CAMKK2: variants seen among roughly 807,000 people sequenced by gnomAD.
CAMKK2 encodes calcium/calmodulin dependent protein kinase kinase 2.
A neutral mutation model predicts 67.2 loss-of-function variants in CAMKK2; 30 were observed. The observed-to-expected ratio is 0.45, with a 90% CI of 0.33 to 0.61. The LOEUF (loss-of-function observed/expected upper bound fraction) is 0.61, where lower values mean the gene tolerates loss of function less well. CAMKK2 is among the 20% of genes least tolerant of loss of function. CAMKK2 has a pLI of 0.02. For synonymous variants in CAMKK2, 322 were observed against 326.2 expected (o/e 0.99, Z 0.14); for missense variants, 643 against 802.0 (o/e 0.80, Z 2.39).
chr12:121,262,557 T>C (rs1236344762), intron 6 of CAMKK2, among the ~76,000 whole-genome samples: 1 of 150,580 alleles, frequency 6.6e-6, no homozygotes. Context: ...AATAAGCTTA[T>C]TGTTTTCTTT....
chr12:121,259,277 G>A (rs923491323), intron 7 of CAMKK2, among the ~76,000 whole-genome samples: 6 of 152,148 alleles, frequency 3.9e-5, no homozygotes, highest in Non-Finnish European at 5.9e-5. Context: ...GCAGCCCCTC[G>A]TGTCCTGCTC....
intron 9 of CAMKK2, among the ~76,000 whole-genome samples, chr12:121,254,930 G>A (rs1891546689): frequency 6.6e-6 from 1 of 151,876 alleles, no homozygotes. Flanking sequence ...ATTAACATTT[G>A]AGTCAGTGGG....
chr12:121,246,882 A>G (rs1038912534), intron 14 of CAMKK2, among the ~76,000 whole-genome samples: 3 of 133,762 alleles, frequency 2.2e-5, no homozygotes, highest in Admixed American at 1.9e-4. Context: ...TTTGACACCT[A>G]TGCCTGGCAC....
intron 7 of CAMKK2, among the ~76,000 whole-genome samples, chr12:121,257,294 T>C (rs1225989671): frequency 1.3e-5 from 2 of 151,618 alleles, no homozygotes; most frequent in Non-Finnish European, 2.9e-5. Context: ...TTGCCCAGGC[T>C]GGAGTGCAGT....
intron 10 of CAMKK2, among the ~76,000 whole-genome samples, 190 bp from the exon 11 acceptor site, chr12:121,252,904 C>G (rs960009275): frequency 2.0e-5 from 3 of 152,156 alleles, no homozygotes; most frequent in Non-Finnish European, 4.4e-5. Context: ...CCCCCAGCCA[C>G]AGTGATTGGT....
chr12:121,270,755 C>T, intron 3 of CAMKK2, 143 bp downstream of exon 3: 1 of 634,838 alleles, frequency 1.6e-6, no homozygotes, highest in Non-Finnish European at 2.8e-6. Flanking sequence ...AACCAAAAAC[C>T]TAGATCATTA....
At chr12:121,295,248 T>C (rs1026842646) in intron 1 of CAMKK2, among the ~76,000 whole-genome samples, 1 of 152,176 alleles carries the variant, frequency 6.6e-6, no homozygotes, top group Non-Finnish European at 1.5e-5. Context: ...TACAAAAATA[T>C]GTTTTGCGTC....
intron 4 of CAMKK2, among the ~76,000 whole-genome samples, chr12:121,268,978 T>A (rs1463154808): frequency 6.6e-6 from 1 of 151,998 alleles, no homozygotes; most frequent in Non-Finnish European, 1.5e-5. Flanking sequence ...CTTGCTGCCA[T>A]CGAATCAAAA....
Position 121,239,127 on chromosome 12 carries a change from G to A in CAMKK2, c.*1572C>T, listed in dbSNP as rs1887955114. On this transcript the variant is annotated 3_prime_UTR_variant, in exon 17 of 17. Transcript: ENST00000404169. The stretch of plus-strand genomic sequence containing the variant: ...CAGGGCTCCATGAATGGGCTGGGCA[G>A]GGGCACGAGGCCTTGCCTTTGTCTG... 1 of 152,330 alleles carries A rather than the reference G, an allele frequency of 6.6e-6. No homozygotes were observed. Among genetic ancestry groups the A allele is most frequent in the Non-Finnish European group, 1.5e-5 (1 of 68,082 alleles). The allele number at this position is 152,330 out of a possible 1,614,324, so 9.4% of individuals were successfully genotyped here. A position where few individuals can be genotyped will look rare whatever the true frequency, so the allele number is the denominator to read the frequency against.
chr12:121,253,563 G>A lies in CAMKK2; in HGVS notation c.908-91C>T. 2.8e-6 allele frequency: 3 copies of A among 1,086,224 alleles called. No homozygotes were observed. Among genetic ancestry groups the A allele is most frequent in the Non-Finnish European group, 4.2e-6 (3 of 710,210 alleles). 67.3% of individuals were successfully genotyped at this position (1,086,224 alleles called of 1,614,324 possible). ...CCACATGGCCTGGAGACACAGGCAT[G>A]GCACCCCTCTGATGCCTTGTCTCCC... On this transcript the variant is annotated intron_variant, in intron 9 of 16. Coordinates refer to ENST00000404169, the MANE Select transcript of CAMKK2 (RefSeq NM_001270485.2). The surrounding 1 kb of genome is among the most constrained non-coding windows in gnomAD (Gnocchi z 5.0).
rs759500804 is a variant in CAMKK2 at position 121,244,568 on chromosome 12, G to A, written c.1596+5C>T. The A allele has an allele frequency of 1.9e-5, 30 of 1,558,260 alleles. No homozygotes were observed. In the South Asian group the frequency reaches 2.2e-4, roughly 12 times the overall value. On this transcript the variant is annotated splice_donor_5th_base_variant and intron_variant, in intron 16 of 16. Coordinates refer to ENST00000404169, the MANE Select transcript of CAMKK2 (RefSeq NM_001270485.2). The stretch of plus-strand genomic sequence containing the variant: ...GAGGCTACGGCACAGGCAGGCGGGC[G>A]TTACCTTGAGCTCAGACAGGGACTC...
chr12:121,265,253 G>A (rs981999365), intron 5 of CAMKK2, among the ~76,000 whole-genome samples: 6 of 152,156 alleles, frequency 3.9e-5, no homozygotes, highest in African/African-American at 1.4e-4. Flanking sequence ...AAAGGCAGAA[G>A]TACAGGTGTC....
intron 2 of CAMKK2, among the ~76,000 whole-genome samples, chr12:121,271,999 TG>T (rs1177487743): frequency 6.6e-6 from 1 of 152,062 alleles, no homozygotes; most frequent in Non-Finnish European, 1.5e-5. Flanking sequence ...CGTGAGCTAC[TG>T]GGCCTAGCCT....
At chr12:121,293,258 C>T (rs563124252) in intron 1 of CAMKK2, among the ~76,000 whole-genome samples, 1 of 152,168 alleles carries the variant, frequency 6.6e-6, no homozygotes, top group South Asian at 2.1e-4. Context: ...GCTCGGGCAA[C>T]AAGAGGGAAA....
intron 1 of CAMKK2, among the ~76,000 whole-genome samples, chr12:121,281,338 C>T (rs1363269321): frequency 6.6e-6 from 1 of 152,212 alleles, no homozygotes; most frequent in Non-Finnish European, 1.5e-5. Context: ...TGTGCAGGCT[C>T]CCCTGAGGTT....
In CAMKK2 at chr12:121,253,291, G is replaced by A. The variant is rs1891157608; in HGVS notation, c.1089C>T (p.Arg363=). 1.2e-6 allele frequency: 2 copies of A among 1,614,040 alleles called. No homozygotes were observed. Among genetic ancestry groups the A allele is most frequent in the African/African-American group, 2.7e-5 (2 of 74,930 alleles). ...FMAPESLSET[R]KIFSGKALDV... The stretch of plus-strand genomic sequence containing the variant: ...AGCTTACCTTCCCAGAGAAGATCTT[G>A]CGGGTCTCAGAGAGCGACTCGGGTG... Residue 363 remains arginine (R), a synonymous_variant, in exon 10 of 17, where the codon CGC becomes CGT. Transcript: ENST00000404169. This position sits in a 1 kb window ranked among gnomAD's most constrained non-coding sequence, Gnocchi z 5.0.
chr12:121,252,745 T>C (rs2686344), intron 10 of CAMKK2, 31 bp from the exon 11 acceptor site: 1,209,294 of 1,610,270 alleles, frequency 0.75, 455,433 homozygotes, highest in African/African-American at 0.76. Flanking sequence ...TGTGAGGGCA[T>C]AAGGGGTGGT....
chr12:121,265,396 G>A (rs78889066), intron 5 of CAMKK2, among the ~76,000 whole-genome samples: 5,262 of 152,212 alleles, frequency 0.035, 132 homozygotes, highest in South Asian at 0.086. Context: ...CTGACCATCA[G>A]GAGAGCGTTC....
rs944389376 is a variant in CAMKK2 at position 121,238,843 on chromosome 12, T to G, written c.*1856A>C. On this transcript the variant is annotated 3_prime_UTR_variant, in exon 17 of 17. Transcript: ENST00000404169. ...GCTTTAACCTCTGCAAGGTGCTTAT[T>G]GCAAACTAACCAAGCCCCATCTGGT... 3 of 152,654 alleles carry G rather than the reference T, an allele frequency of 2.0e-5. No homozygotes were observed. Among genetic ancestry groups the G allele is most frequent in the Non-Finnish European group, 2.9e-5 (2 of 68,074 alleles). 9.5% of individuals were successfully genotyped at this position (152,654 alleles called of 1,614,324 possible).
Sources: allele counts gnomAD v4.1 joint callset (sites outside exome capture counted in the v4.1 genomes callset), GRCh38; gene constraint gnomAD v4.1.1; non-coding constraint Gnocchi (gnomAD v3.1); transcripts MANE v1.5; gene names NCBI Gene and HGNC (gene_info 2026-07-23, HGNC 2026-07-21).